The following TRPC4AP variants were observed in gnomAD, a reference collection of about 807,000 sequenced individuals.
The protein encoded by TRPC4AP is transient receptor potential cation channel subfamily C member 4 associated protein, also known as short transient receptor potential channel 4-associated protein.
In TRPC4AP, 45 loss-of-function variants were observed where a neutral mutation model predicts 99.0. The observed-to-expected ratio is 0.45, with a 90% CI of 0.36 to 0.58. The LOEUF is 0.58. Among genes scored for constraint, TRPC4AP ranks in the 20% least tolerant of loss-of-function variants. The pLI is 0.00. For missense variants in TRPC4AP, 879 were observed against 985.3 expected, an observed-to-expected ratio of 0.89 and a Z score of 1.44; for synonymous variants, 408 against 385.8, an observed-to-expected ratio of 1.06 and a Z score of -0.67.
intron 1 of TRPC4AP, among the ~76,000 whole-genome samples, chr20:35,087,522 A>G (rs2084921354): frequency 6.6e-6 from 1 of 152,158 alleles, no homozygotes; most frequent in Non-Finnish European, 1.5e-5. Context: ...ATGGCGGGTC[A>G]TGACCTGTAA....
chr20:35,085,154 T>C (rs1057018792), intron 1 of TRPC4AP, among the ~76,000 whole-genome samples: 1 of 152,190 alleles, frequency 6.6e-6, no homozygotes, highest in Non-Finnish European at 1.5e-5. Context: ...CTGAACAGCA[T>C]TAGGAGTATG....
chr20:35,044,850 G>A (rs1446101068), intron 6 of TRPC4AP, 138 bp from the exon 7 acceptor site: 2 of 762,198 alleles, frequency 2.6e-6, no homozygotes, highest in Non-Finnish European at 4.2e-6. Flanking sequence ...GTAACTTGCA[G>A]CTCTGAAACT....
intron 7 of TRPC4AP, among the ~76,000 whole-genome samples, chr20:35,038,733 T>C (rs1429820518): frequency 6.6e-6 from 1 of 151,660 alleles, no homozygotes; most frequent in South Asian, 2.1e-4. Context: ...GCTGTACTTT[T>C]TGTATCATTT....
At chr20:35,032,694 G>T (rs1395768658) in intron 8 of TRPC4AP, among the ~76,000 whole-genome samples, 1 of 148,712 alleles carries the variant, frequency 6.7e-6, no homozygotes, top group African/African-American at 2.5e-5. Context: ...GGATAGTCTC[G>T]ATCTCCTGAC....
intron 8 of TRPC4AP, among the ~76,000 whole-genome samples, chr20:35,028,331 G>A (rs184079931): frequency 7.3e-5 from 11 of 151,638 alleles, no homozygotes; most frequent in African/African-American, 2.4e-4. Context: ...GACCTTAAGC[G>A]ACCCGCCTCC....
chr20:35,076,882 C>T (rs1488306785), intron 2 of TRPC4AP, among the ~76,000 whole-genome samples: 1 of 152,178 alleles, frequency 6.6e-6, no homozygotes, highest in Admixed American at 6.5e-5. Flanking sequence ...CAGAGGCAGG[C>T]AGGTCTCCTT....
intron 1 of TRPC4AP, among the ~76,000 whole-genome samples, chr20:35,086,210 C>T (rs908938377): frequency 2.0e-5 from 3 of 152,028 alleles, no homozygotes; most frequent in South Asian, 2.1e-4. Context: ...CCGTCTAGCT[C>T]GGCCTCCCAA....
chr20:35,070,689 C>T (rs545544950), intron 2 of TRPC4AP, among the ~76,000 whole-genome samples: 7 of 152,316 alleles, frequency 4.6e-5, no homozygotes, highest in African/African-American at 7.2e-5. Context: ...TGAGTCACTG[C>T]GCCCGGCCAA....
chr20:35,066,658 A>G (rs2084152468), intron 3 of TRPC4AP, among the ~76,000 whole-genome samples: 3 of 152,352 alleles, frequency 2.0e-5, no homozygotes, highest in Admixed American at 6.5e-5. Flanking sequence ...AAATATTAGA[A>G]GGAAATAGGC....
Position 35,021,210 on chromosome 20 carries a change from T to A in TRPC4AP, c.1198A>T (p.Met400Leu). The A allele has an allele frequency of 6.2e-7, 1 of 1,613,300 alleles. No individual in the cohort carries two copies. The highest frequency in any genetic ancestry group is 8.5e-7 in the Non-Finnish European group (1 of 1,179,380). The change falls in exon 9 of 19, where the codon ATG (methionine) becomes TTG (leucine). Residue 400 changes from methionine (M) to leucine (L), a missense_variant. This residue lies in a region of TRPC4AP where 603 missense variants were observed against 631.8 expected (regional missense o/e 0.95). Coordinates refer to ENST00000252015, the MANE Select transcript of TRPC4AP (RefSeq NM_015638.3). Reference protein sequence around the residue: ...EVLYVLCVLLMGRQRNQVHRM... With the variant: ...EVLYVLCVLLLGRQRNQVHRM... ...CCCACCTGGTTTCGCTGACGCCCCA[T>A]CAGCAGCACGCAGAGGACATAGAGC...
chr20:35,021,272 A>G lies in TRPC4AP; in HGVS notation c.1136T>C (p.Met379Thr), dbSNP rs182553395. The stretch of plus-strand genomic sequence containing the variant: ...GTACATGATCTCATGCATAATCTTC[A>G]TTGACTGGGGCAGCTGGGTTCTGGC... ...TSARTQLPQS[M>T]KIMHEIMYKL... The change falls in exon 9 of 19, where the codon ATG becomes ACG. Residue 379 changes from methionine (M) to threonine (T), a missense_variant. Met to Thr is a moderately conservative substitution (Grantham distance 81). Transcript: ENST00000252015. 5.5e-5 allele frequency: 88 copies of G among 1,614,152 alleles called. No individual in the cohort carries two copies. The highest frequency in any genetic ancestry group is 7.1e-5 in the Non-Finnish European group (84 of 1,180,032).
chr20:35,048,971 CAAG>C (rs1208386025), intron 6 of TRPC4AP, among the ~76,000 whole-genome samples: 1 of 152,168 alleles, frequency 6.6e-6, no homozygotes, highest in Non-Finnish European at 1.5e-5. Context: ...GAAAGCACAG[CAAG>C]AAGAAATGAA....
intron 1 of TRPC4AP, among the ~76,000 whole-genome samples, chr20:35,090,546 G>C (rs1269545097): frequency 6.6e-6 from 1 of 151,892 alleles, no homozygotes; most frequent in Non-Finnish European, 1.5e-5. Context: ...GCTAATTTTT[G>C]TATTTTTAGT....
chr20:35,072,842 G>A (rs2084356491), intron 2 of TRPC4AP, among the ~76,000 whole-genome samples: 1 of 152,084 alleles, frequency 6.6e-6, no homozygotes, highest in African/African-American at 2.4e-5. Context: ...AGCTTGATGG[G>A]GATGGCATTG....
rs1202908666 is a variant in TRPC4AP, at chr20:35,086,573, GTGTATA to G, written c.168+6035_168+6040del. The stretch of plus-strand genomic sequence containing the variant: ...TGTGTGTGTGTGTGTGTGTGTGTGT[GTGTATA>G]TATATATGAATAAGACTTTATCCTA... On this transcript the variant is annotated intron_variant, in intron 1 of 18. Transcript: ENST00000252015. Among the ~76,000 whole-genome samples the G allele has an allele frequency of 2.5e-3, 102 of 41,552 alleles. 7 individuals are homozygous for G. The highest frequency in any genetic ancestry group is 6.8e-3 in the African/African-American group (97 of 14,238). The allele number at this position is 41,552 out of a possible 152,430, so 27.3% of individuals were successfully genotyped here.
intron 5 of TRPC4AP, among the ~76,000 whole-genome samples, chr20:35,053,761 G>T (rs1301293846): frequency 6.6e-6 from 1 of 152,120 alleles, no homozygotes; most frequent in African/African-American, 2.4e-5. Flanking sequence ...ATGTTAGAAT[G>T]ACAATATTCT....
chr20:35,017,185 A>G (rs145383798), intron 9 of TRPC4AP, among the ~76,000 whole-genome samples: 3 of 152,370 alleles, frequency 2.0e-5, no homozygotes, highest in African/African-American at 7.2e-5. Flanking sequence ...GTAAAAAAGA[A>G]TCAAGGTATT....
In TRPC4AP at chr20:35,021,209, A is replaced by G; in HGVS notation, c.1199T>C (p.Met400Thr). 1 of 1,613,288 alleles carries G rather than the reference A, an allele frequency of 6.2e-7. No individual in the cohort carries two copies. The highest frequency in any genetic ancestry group is 8.5e-7 in the Non-Finnish European group (1 of 1,179,360). Residue 400 changes from methionine to threonine, a missense_variant, in exon 9 of 19, where the codon ATG (methionine) becomes ACG (threonine). Coordinates refer to ENST00000252015, the MANE Select transcript of TRPC4AP (RefSeq NM_015638.3). ...GCCCACCTGGTTTCGCTGACGCCCC[A>G]TCAGCAGCACGCAGAGGACATAGAG... Reference protein sequence around the residue: ...EVLYVLCVLLMGRQRNQVHRM... With the variant: ...EVLYVLCVLLTGRQRNQVHRM...
chr20:35,092,746 G>A lies in TRPC4AP; in HGVS notation c.36C>T (p.Ala12=), dbSNP rs778422159. 3.8e-6 allele frequency: 6 copies of A among 1,560,642 alleles called. No homozygotes were observed. In the African/African-American group the frequency reaches 5.6e-5, roughly 15 times the overall value. ...TGGCTGCCGACCGTCTCCCTCGGCC[G>A]GCTCCAGACCCAGCCGCTACCGGCG... is the stretch of plus-strand genomic sequence containing the variant. ...AAAPVAAGSG[A]GRGRRSAATV... is the part of the protein sequence containing the mutation. The change falls in exon 1 of 19, where the codon GCC becomes GCT. Residue 12 remains alanine, a synonymous_variant. Transcript: ENST00000252015.
Sources: allele counts gnomAD v4.1 joint callset (sites outside exome capture counted in the v4.1 genomes callset), GRCh38; gene constraint gnomAD v4.1.1; regional missense constraint gnomAD v4.1.1; transcripts MANE v1.5; gene names NCBI Gene and HGNC (gene_info 2026-07-23, HGNC 2026-07-21).